The following LRP2 variants were observed in gnomAD, a reference collection of about 807,000 sequenced individuals.
The protein encoded by LRP2 is LDL receptor related protein 2.
Under a neutral mutation model 531.0 loss-of-function variants are expected in LRP2, and 172 were observed. That is an observed-to-expected ratio of 0.32 (90% CI 0.29 to 0.37). LRP2 has a LOEUF of 0.37. Among genes scored for constraint, LRP2 ranks in the 10% least tolerant of loss-of-function variants. The pLI, the probability that LRP2 is intolerant of heterozygous loss-of-function variation, is 1.00. For missense variants in LRP2, 5,167 were observed against 5,868.3 expected (o/e 0.88, Z 3.90); for synonymous variants, 1,992 against 2,027.6 (o/e 0.98, Z 0.47).
chr2:169,234,855 G>A (rs986813539), intron 29 of LRP2, among the ~76,000 whole-genome samples: 2 of 151,222 alleles, frequency 1.3e-5, no homozygotes, highest in African/African-American at 4.9e-5. Context: ...AGAATTTATA[G>A]AATAAAAAAT....
At chr2:169,170,360 TA>T (rs1477125339) in intron 59 of LRP2, among the ~76,000 whole-genome samples, 190 bp downstream of exon 59, 2 of 152,228 alleles carry the variant, frequency 1.3e-5, no homozygotes, top group Non-Finnish European at 2.9e-5. Flanking sequence ...CAATTATGAC[TA>T]ATCTAGACTG....
At chr2:169,255,024 C>T (rs1690247498) in intron 19 of LRP2, among the ~76,000 whole-genome samples, 2 of 152,128 alleles carry the variant, frequency 1.3e-5, no homozygotes, top group Admixed American at 6.5e-5. Flanking sequence ...AATATACTTA[C>T]TAACTATTCA....
In LRP2 at chr2:169,279,478, T is replaced by C. The variant is rs142752192; in HGVS notation, c.1459A>G (p.Lys487Glu). Residue 487 changes from lysine (K) to glutamate (E), a missense_variant, in exon 12 of 79, where the codon AAG becomes GAG. Physicochemically the swap from Lys to Glu is moderately conservative, Grantham distance 56. Around this residue, in one of 6 missense-constraint regions of LRP2, gnomAD observed 2,811 missense variants for 3,058.0 expected, o/e 0.92. Coordinates refer to ENST00000649046, the MANE Select transcript of LRP2 (RefSeq NM_004525.3). The part of the protein sequence containing the change: ...VNNKIYLVET[K>E]VNRIDMVNLD... Reference sequence around the variant, plus strand: ...TTTACCATATCTATGCGGTTGACCTTGGTTTCCACTAGATAGATTTTATTA... The same window carrying C: ...TTTACCATATCTATGCGGTTGACCTCGGTTTCCACTAGATAGATTTTATTA... 3.7e-6 allele frequency: 6 copies of C among 1,613,870 alleles called. No homozygotes were observed. Among genetic ancestry groups the C allele is most frequent in the Non-Finnish European group, 5.1e-6 (6 of 1,179,812 alleles).
intron 1 of LRP2, among the ~76,000 whole-genome samples, chr2:169,340,175 A>G (rs1685526578): frequency 6.6e-6 from 1 of 152,158 alleles, no homozygotes; most frequent in Non-Finnish European, 1.5e-5. Context: ...TGTCCAAAAG[A>G]AACATCTCCA....
chr2:169,319,373 A>G (rs1684851173), intron 2 of LRP2, among the ~76,000 whole-genome samples: 1 of 152,236 alleles, frequency 6.6e-6, no homozygotes, highest in East Asian at 1.9e-4. Context: ...TGTATGCATC[A>G]TAAAATGGGG....
chr2:169,208,630 T>C (rs1343291663), intron 38 of LRP2, among the ~76,000 whole-genome samples: 1 of 151,968 alleles, frequency 6.6e-6, no homozygotes, highest in African/African-American at 2.4e-5. Context: ...TTAATTTTTG[T>C]GTTTTTAGTA....
chr2:169,161,796 A>G (rs1460948465), intron 63 of LRP2, among the ~76,000 whole-genome samples: 1 of 152,168 alleles, frequency 6.6e-6, no homozygotes, highest in African/African-American at 2.4e-5. Context: ...TTAAAAATAA[A>G]AATAAATGTC....
chr2:169,192,964 C>T (rs1163896325), intron 47 of LRP2, among the ~76,000 whole-genome samples: 1 of 152,192 alleles, frequency 6.6e-6, no homozygotes, highest in Non-Finnish European at 1.5e-5. Flanking sequence ...ATTATTCTAA[C>T]ACCGATTAGA....
intron 1 of LRP2, among the ~76,000 whole-genome samples, chr2:169,341,973 T>C (rs1336522807): frequency 6.6e-6 from 1 of 152,158 alleles, no homozygotes; most frequent in Non-Finnish European, 1.5e-5. Context: ...CTTTGTAGTA[T>C]GGAACTATCC....
At chr2:169,184,457 G>C (rs1180019226) in intron 50 of LRP2, among the ~76,000 whole-genome samples, 1 of 152,192 alleles carries the variant, frequency 6.6e-6, no homozygotes, top group Non-Finnish European at 1.5e-5. Context: ...GAGCCCTCTG[G>C]AGGTCTGGGC....
rs142066986 is a variant in LRP2 at position 169,361,413 on chromosome 2, C to CCT, written c.79+906_79+907dup. Among the ~76,000 whole-genome samples, 843 of 142,726 alleles carry CCT rather than the reference C, an allele frequency of 5.9e-3. 17 individuals are homozygous for CCT. Among genetic ancestry groups the CCT allele is most frequent in the South Asian group, 0.024 (102 of 4,294 alleles). The allele number at this position is 142,726 out of a possible 152,430, so 93.6% of individuals were successfully genotyped here. On this transcript the variant is annotated intron_variant, in intron 1 of 78. Transcript: ENST00000649046. ...CTCTCTCTGTCTCTCTCCTCTCTCT[C>CCT]CTCTCTCTCTCTCTTCTCCCGCCCC...
At position 169,202,895 on chromosome 2, in the gene LRP2, C is replaced by G. The variant is rs144284604; in HGVS notation, c.8070G>C (p.Lys2690Asn). 6.2e-7 allele frequency: 1 copy of G among 1,614,232 alleles called. No individual in the cohort carries two copies. The highest frequency in any genetic ancestry group is 8.5e-7 in the Non-Finnish European group (1 of 1,180,042). The change falls in exon 43 of 79, where the codon AAG becomes AAC. Residue 2690 changes from lysine (K) to asparagine (N), a missense_variant. Transcript: ENST00000649046. ...GTTCACCATTGTCCACAATGCAGTG[C>G]TTCCTGTTGTTGGCCAAATACCAGT... ...EGNWYLANNR[K>N]HCIVDNGERC...
chr2:169,256,186 C>T lies in LRP2; in HGVS notation c.2690G>A (p.Ser897Asn). The change falls in exon 19 of 79, where the codon AGC becomes AAC. Residue 897 changes from serine (S) to asparagine (N), a missense_variant. Ser to Asn is a conservative substitution (Grantham distance 46). Coordinates refer to ENST00000649046, the MANE Select transcript of LRP2 (RefSeq NM_004525.3). Reference sequence around the variant, plus strand: ...TCTTCTGTCTAAACCATCAAAGGTGCTGTGCTCAATTTTATCAAAATAGGC... The same window carrying T: ...TCTTCTGTCTAAACCATCAAAGGTGTTGTGCTCAATTTTATCAAAATAGGC... ...VDAYFDKIEH[S>N]TFDGLDRRRL... 3 of 1,612,848 alleles carry T rather than the reference C, an allele frequency of 1.9e-6. No individual in the cohort carries two copies. Among genetic ancestry groups the T allele is most frequent in the Non-Finnish European group, 2.5e-6 (3 of 1,179,108 alleles).
intron 1 of LRP2, among the ~76,000 whole-genome samples, chr2:169,344,604 T>C (rs574680287): frequency 6.6e-6 from 1 of 152,298 alleles, no homozygotes; most frequent in African/African-American, 2.4e-5. Context: ...ATGTAAGACA[T>C]CCATTAAAGT....
intron 16 of LRP2, among the ~76,000 whole-genome samples, chr2:169,265,009 C>T (rs139465222): frequency 5.3e-5 from 8 of 152,132 alleles, no homozygotes; most frequent in Admixed American, 5.2e-4. Flanking sequence ...CCTCTGCCCA[C>T]TCCCAGAACA....
At chr2:169,334,820 C>A (rs1454963443) in intron 1 of LRP2, among the ~76,000 whole-genome samples, 1 of 152,202 alleles carries the variant, frequency 6.6e-6, no homozygotes, top group Non-Finnish European at 1.5e-5. Context: ...CCTGCAAAAT[C>A]AGGTTACGGT....
intron 48 of LRP2, among the ~76,000 whole-genome samples, 167 bp downstream of exon 48, chr2:169,191,665 A>C (rs1026349445): frequency 6.6e-6 from 1 of 152,052 alleles, no homozygotes; most frequent in Admixed American, 6.6e-5. Flanking sequence ...CTTTGATGTA[A>C]AAGTTTTTTT....
intron 52 of LRP2, 69 bp from the exon 53 acceptor site, chr2:169,178,095 A>C: frequency 8.9e-7 from 1 of 1,124,832 alleles, no homozygotes. Context: ...TGCAGGATAA[A>C]AGAATTCACA....
intron 1 of LRP2, among the ~76,000 whole-genome samples, chr2:169,359,443 A>G (rs945161178): frequency 1.3e-5 from 2 of 152,178 alleles, no homozygotes; most frequent in African/African-American, 4.8e-5. Flanking sequence ...GAATACTCAG[A>G]GCTCTTTTTT....
Sources: allele counts gnomAD v4.1 joint callset (sites outside exome capture counted in the v4.1 genomes callset), GRCh38; gene constraint gnomAD v4.1.1; regional missense constraint gnomAD v4.1.1; transcripts MANE v1.5; gene names NCBI Gene and HGNC (gene_info 2026-07-23, HGNC 2026-07-21).